NRXN2: variants seen among roughly 807,000 people sequenced by gnomAD.
The protein encoded by NRXN2 is neurexin 2.
A neutral mutation model predicts 128.8 loss-of-function variants in NRXN2; 29 were observed. The ratio of observed to expected loss-of-function variants is 0.23; its 90% CI spans 0.17 to 0.31. The LOEUF (loss-of-function observed/expected upper bound fraction) is 0.31. Among genes scored for constraint, NRXN2 ranks in the 10% least tolerant of loss-of-function variants. The pLI, the probability that NRXN2 is intolerant of heterozygous loss-of-function variation, is 1.00. For synonymous variants in NRXN2, 1,098 were observed against 1,075.2 expected, an observed-to-expected ratio of 1.02 and a Z score of -0.41; for missense variants, 1,881 against 2,452.6, an observed-to-expected ratio of 0.77 and a Z score of 4.92.
At chr11:64,629,315 G>A (rs1386009586) in intron 19 of NRXN2, among the ~76,000 whole-genome samples, 5 of 152,096 alleles carry the variant, frequency 3.3e-5, no homozygotes, top group East Asian at 1.9e-4. Context: ...TCCCTGCAGC[G>A]TTCCTGTTTC....
chr11:64,676,936 A>T, intron 7 of NRXN2, 57 bp downstream of exon 7: 1 of 1,428,080 alleles, frequency 7.0e-7, no homozygotes, highest in Non-Finnish European at 9.9e-7. Context: ...GGGAGAATCG[A>T]ACAGTTAAAA....
At chr11:64,671,665 C>T (rs565220730) in intron 7 of NRXN2, among the ~76,000 whole-genome samples, 1 of 152,042 alleles carries the variant, frequency 6.6e-6, no homozygotes, top group African/African-American at 2.4e-5. Flanking sequence ...GGTAAGAAGG[C>T]GTGCGGGGCA....
At chr11:64,627,986 G>A (rs1167904247) in intron 19 of NRXN2, among the ~76,000 whole-genome samples, 1 of 152,154 alleles carries the variant, frequency 6.6e-6, no homozygotes, top group African/African-American at 2.4e-5. Context: ...GGGTGCTTAT[G>A]AGGCAAGGAG....
In NRXN2 at chr11:64,657,425, T is replaced by TC. The variant is rs2135476052; in HGVS notation, c.2389+2906dup. Among the ~76,000 whole-genome samples, 3 of 152,264 alleles carry TC rather than the reference T, an allele frequency of 2.0e-5. 1 individual carries two copies. Among genetic ancestry groups the TC allele is most frequent in the African/African-American group, 7.2e-5 (3 of 41,558 alleles). ...GTGGCCCCCAGGCCTGGCTCCAAAC[T>TC]CAAGTCTCTATTCCAATATGGTTTT... is the stretch of plus-strand genomic sequence containing the variant. On this transcript the variant is annotated intron_variant, in intron 11 of 22. Transcript: ENST00000265459.
At chr11:64,672,839 T>C (rs1355466333) in intron 7 of NRXN2, among the ~76,000 whole-genome samples, 1 of 152,122 alleles carries the variant, frequency 6.6e-6, no homozygotes, top group African/African-American at 2.4e-5. Flanking sequence ...AGACACACCA[T>C]GAAGATGGAC....
In NRXN2 at chr11:64,632,864, G is replaced by C. The variant is rs529208826; in HGVS notation, c.3586-2291C>G. 2.0e-5 allele frequency among the ~76,000 whole-genome samples: 3 copies of C among 152,236 alleles called. No homozygotes were observed. The highest frequency in any genetic ancestry group is 6.5e-5 in the Admixed American group (1 of 15,294). On this transcript the variant is annotated intron_variant, in intron 18 of 22. Coordinates refer to ENST00000265459, the MANE Select transcript of NRXN2 (RefSeq NM_015080.4). This position sits in a 1 kb window ranked among gnomAD's most constrained non-coding sequence, Gnocchi z 4.2. ...CAAAATTAATTTGGCAAAGTGGAGC[G>C]ACGCTTTATTAGAAACGTCAAATTG...
At chr11:64,661,268 C>T (rs1249374835) in intron 9 of NRXN2, 129 bp from the exon 10 acceptor site, 14 of 1,548,884 alleles carry the variant, frequency 9.0e-6, no homozygotes, top group South Asian at 2.4e-5. Context: ...CTCAGGAGGA[C>T]GAGCAGCAGT....
chr11:64,707,799 T>C (rs1398813540), intron 2 of NRXN2, among the ~76,000 whole-genome samples: 1 of 152,120 alleles, frequency 6.6e-6, no homozygotes, highest in Non-Finnish European at 1.5e-5. Context: ...CTCAATTTAA[T>C]AGTCAACTCC....
chr11:64,662,286 AAGG>A (rs1160049850), intron 9 of NRXN2, among the ~76,000 whole-genome samples: 4 of 151,874 alleles, frequency 2.6e-5, no homozygotes, highest in African/African-American at 9.7e-5. Flanking sequence ...AAGGGAGAAG[AAGG>A]AGAAGAAGAA....
Position 64,608,202 on chromosome 11 carries a change from G to C in NRXN2, c.4253-120C>G, listed in dbSNP as rs2040015162. ...CAAATCGGTTCCAATTGGCTTTGGC[G>C]GAGACTAGAGCGGGCTGGGCCCGCC... On this transcript the variant is annotated intron_variant, in intron 22 of 22. Transcript: ENST00000265459. 3.0e-5 allele frequency: 24 copies of C among 802,904 alleles called. No individual in the cohort carries two copies. In the South Asian group the frequency reaches 3.3e-4, roughly 11 times the overall value. 49.7% of individuals were successfully genotyped at this position (802,904 alleles called of 1,614,324 possible).
chr11:64,643,638 G>A (rs2135424308), intron 17 of NRXN2, among the ~76,000 whole-genome samples: 1 of 149,426 alleles, frequency 6.7e-6, no homozygotes, highest in East Asian at 2.0e-4. Context: ...GCGGGAGGAG[G>A]AGGGGGCAGG....
At chr11:64,712,692 C>T (rs758649656) in intron 2 of NRXN2, 42 of 619,974 alleles carry the variant, frequency 6.8e-5, no homozygotes, top group Admixed American at 2.6e-4. Context: ...CCTCAGCAGC[C>T]CCTTCAGAAC....
At position 64,606,981 on chromosome 11, in the gene NRXN2, G is replaced by A. The variant is rs2135246328; in HGVS notation, c.*215C>T. 3.4e-6 allele frequency: 2 copies of A among 586,354 alleles called. No individual in the cohort carries two copies. The highest frequency in any genetic ancestry group is 3.0e-6 in the Non-Finnish European group (1 of 330,970). 36.3% of individuals were successfully genotyped at this position (586,354 alleles called of 1,614,324 possible). ...GGCAGGCGCAGAGCTGAGAGGGACAGTCAGCCCCGGGACTGACGAGGCCGC... is the reference window on the plus strand; with the variant it reads ...GGCAGGCGCAGAGCTGAGAGGGACAATCAGCCCCGGGACTGACGAGGCCGC... On this transcript the variant is annotated 3_prime_UTR_variant, in exon 23 of 23. Transcript: ENST00000265459.
Position 64,713,431 on chromosome 11 carries a change from C to T in NRXN2, c.269G>A (p.Arg90His). The T allele has an allele frequency of 6.6e-7, 1 of 1,508,764 alleles. No individual in the cohort carries two copies. Among genetic ancestry groups the T allele is most frequent in the Non-Finnish European group, 8.8e-7 (1 of 1,135,856 alleles). 93.5% of individuals were successfully genotyped at this position (1,508,764 alleles called of 1,614,324 possible). ...LLLVDGRLRL[R>H]FTLSCAEPAT... Reference sequence around the variant, plus strand: ...CGGCTCGGCGCACGAAAGCGTGAAGCGCAGCCGCAGGCGGCCGTCCACCAG... The same window carrying T: ...CGGCTCGGCGCACGAAAGCGTGAAGTGCAGCCGCAGGCGGCCGTCCACCAG... Residue 90 changes from arginine to histidine, a missense_variant, in exon 2 of 23, where the codon CGC (arginine) becomes CAC (histidine). By Grantham distance (29) the Arg-to-His change is conservative (BLOSUM62 0). Transcript: ENST00000265459.
chr11:64,647,111 G>A (rs190960041), intron 17 of NRXN2, among the ~76,000 whole-genome samples: 2 of 152,102 alleles, frequency 1.3e-5, no homozygotes, highest in African/African-American at 4.8e-5. Flanking sequence ...CAAAGGCACT[G>A]ACTGGAGTCT....
At chr11:64,666,022 C>T (rs2049801665) in intron 9 of NRXN2, among the ~76,000 whole-genome samples, 1 of 152,154 alleles carries the variant, frequency 6.6e-6, no homozygotes. Context: ...AGAGCCCTCA[C>T]TGCTAGGTAG....
In NRXN2 at chr11:64,651,211, A is replaced by AG; in HGVS notation, c.2918+43dup. The AG allele has an allele frequency of 6.2e-7, 1 of 1,611,058 alleles. No individual in the cohort carries two copies. Among genetic ancestry groups the AG allele is most frequent in the Non-Finnish European group, 8.5e-7 (1 of 1,178,974 alleles). ...GAGCTGTATGTGGTTCAGCAGGGGGAGGGGGCCACCTCCTTGACAGCAGTG... is the reference window on the plus strand; with the variant it reads ...GAGCTGTATGTGGTTCAGCAGGGGGAGGGGGGCCACCTCCTTGACAGCAGTG... On this transcript the variant is annotated intron_variant, in intron 14 of 22. Coordinates refer to ENST00000265459, the MANE Select transcript of NRXN2 (RefSeq NM_015080.4). This position sits in a 1 kb window ranked among gnomAD's most constrained non-coding sequence, Gnocchi z 5.9.
intron 7 of NRXN2, among the ~76,000 whole-genome samples, chr11:64,669,324 T>G (rs535705902): frequency 2.0e-5 from 3 of 152,322 alleles, no homozygotes; most frequent in Non-Finnish European, 4.4e-5. Flanking sequence ...TATATTCAGG[T>G]CACTCTCTTG....
At chr11:64,655,194 C>T (rs924151928) in intron 11 of NRXN2, among the ~76,000 whole-genome samples, 1 of 152,212 alleles carries the variant, frequency 6.6e-6, no homozygotes, top group African/African-American at 2.4e-5. Flanking sequence ...TTCGGCAGTA[C>T]AGCTGAGCTC....
Sources: allele counts gnomAD v4.1 joint callset (sites outside exome capture counted in the v4.1 genomes callset), GRCh38; gene constraint gnomAD v4.1.1; non-coding constraint Gnocchi (gnomAD v3.1); transcripts MANE v1.5; gene names NCBI Gene and HGNC (gene_info 2026-07-23, HGNC 2026-07-21).